The following AMZ1 variants were observed in gnomAD, a reference collection of about 807,000 sequenced individuals.
The protein encoded by AMZ1 is archaemetzincin-1.
A neutral mutation model predicts 29.9 loss-of-function variants in AMZ1; 39 were observed. The ratio of observed to expected loss-of-function variants is 1.30; its 90% CI spans 1.01 to 1.70. AMZ1 has a LOEUF of 1.70. AMZ1 is among the 40% of genes most tolerant of loss of function. The pLI, the probability that AMZ1 is intolerant of heterozygous loss-of-function variation, is 0.00. For synonymous variants in AMZ1, 458 were observed against 304.0 expected, an observed-to-expected ratio of 1.51 and a Z score of -5.27; for missense variants, 1,041 against 680.6, an observed-to-expected ratio of 1.53 and a Z score of -5.89.
At chr7:2,733,655 A>G (rs903369662) in intron 4 of AMZ1, among the ~76,000 whole-genome samples, 1 of 152,244 alleles carries the variant, frequency 6.6e-6, no homozygotes, top group South Asian at 2.1e-4. Flanking sequence ...TGTGTTTTCT[A>G]AAATAAAAAA....
intron 6 of AMZ1, among the ~76,000 whole-genome samples, chr7:2,711,239 G>T (rs1044505563): frequency 6.6e-6 from 1 of 152,204 alleles, no homozygotes; most frequent in African/African-American, 2.4e-5. Flanking sequence ...TGGTGTGGAT[G>T]TGAGGTCACC....
At chr7:2,723,797 G>C (rs577781602), downstream of AMZ1, among the ~76,000 whole-genome samples, 1 of 152,336 alleles carries the variant, frequency 6.6e-6, no homozygotes, top group East Asian at 1.9e-4. Flanking sequence ...GCTAGTACCA[G>C]AGAGCCCCGG....
At position 2,689,717 on chromosome 7, in the gene AMZ1, C is replaced by T. The variant is rs536537673; in HGVS notation, c.-219+1421C>T. 2.0e-5 allele frequency among the ~76,000 whole-genome samples: 3 copies of T among 152,346 alleles called. No homozygotes were observed. The South Asian group carries it at 6.2e-4, about 32-fold the overall frequency. ...GGCTTGGAGGACGCAGGCATGAGAC[C>T]TGTTGGCTGCTGTCATGACTGCAGT... is the stretch of plus-strand genomic sequence containing the variant. On this transcript the variant is annotated intron_variant, in intron 1 of 6. Transcript: ENST00000683327.
Position 2,717,696 on chromosome 7 carries a change from A to AGAT in AMZ1, c.*4820_*4822dup, listed in dbSNP as rs1491293905. On this transcript the variant is annotated 3_prime_UTR_variant, in exon 7 of 7. Coordinates refer to ENST00000683327, the MANE Select transcript of AMZ1 (RefSeq NM_001384743.1). ...CTGGCCTGCGAACGCTGTTAAAAAC[A>AGAT]GATGCAGATCGCGGGTGGAGACGGC... Among the ~76,000 whole-genome samples the AGAT allele has an allele frequency of 6.6e-6, 1 of 150,854 alleles. No individual in the cohort carries two copies. The highest frequency in any genetic ancestry group is 1.5e-5 in the Non-Finnish European group (1 of 68,036).
downstream of AMZ1, among the ~76,000 whole-genome samples, chr7:2,721,336 G>A (rs529714073): frequency 1.3e-5 from 2 of 152,342 alleles, no homozygotes; most frequent in African/African-American, 4.8e-5. Flanking sequence ...CTTCGGGAAA[G>A]GTGCTTGCCC....
In AMZ1 at chr7:2,717,566, A is replaced by T. The variant is rs1275886769; in HGVS notation, c.*4688A>T. Among the ~76,000 whole-genome samples the T allele has an allele frequency of 1.3e-5, 2 of 152,214 alleles. No homozygotes were observed. The highest frequency in any genetic ancestry group is 1.5e-5 in the Non-Finnish European group (1 of 68,030). ...CACACAGAGGTGCCCAGTTTCAAGG[A>T]AACCTAAAGCAGCAGCAAATTTATG... On this transcript the variant is annotated 3_prime_UTR_variant, in exon 7 of 7. Transcript: ENST00000683327.
At position 2,713,555 on chromosome 7, in the gene AMZ1, C is replaced by T. The variant is rs1216264035; in HGVS notation, c.*677C>T. ...ACCCCGGGGGCACACAGGCTCCACA[C>T]TGCCACCCAGCTTCCAAGGCTGAGT... On this transcript the variant is annotated 3_prime_UTR_variant, in exon 7 of 7. Transcript: ENST00000683327. The T allele has an allele frequency of 1.3e-5, 2 of 152,572 alleles. No individual in the cohort carries two copies. The highest frequency in any genetic ancestry group is 6.5e-5 in the Admixed American group (1 of 15,288). The allele number at this position is 152,572 out of a possible 1,614,324, so 9.5% of individuals were successfully genotyped here.
intron 4 of AMZ1, among the ~76,000 whole-genome samples, chr7:2,756,502 C>A (rs1261735824): frequency 1.3e-5 from 2 of 152,054 alleles, no homozygotes; most frequent in Non-Finnish European, 2.9e-5. Context: ...ATAGTCCCAG[C>A]TACTCAGGAG....
chr7:2,708,747 G>C (rs375828895), intron 4 of AMZ1, 31 bp downstream of exon 4: 1 of 1,610,942 alleles, frequency 6.2e-7, no homozygotes, highest in Non-Finnish European at 8.5e-7. Context: ...CTGTGCGTGG[G>C]GGGTAGCCTG....
intron 4 of AMZ1, among the ~76,000 whole-genome samples, chr7:2,746,296 A>G (rs1790760088): frequency 6.6e-6 from 1 of 152,234 alleles, no homozygotes; most frequent in Admixed American, 6.5e-5. Flanking sequence ...CAGCAAATGT[A>G]AAAGAACAGA....
In AMZ1 at chr7:2,708,684, G is replaced by A. The variant is rs759665561; in HGVS notation, c.569G>A (p.Ser190Asn). Reference protein sequence around the residue: ...LSDLYPHEAWSFTFSKFLPGH... With the variant: ...LSDLYPHEAWNFTFSKFLPGH... ...GACCTGTACCCCCATGAGGCCTGGA[G>A]CTTCACCTTCAGCAAGTTCCTTCCA... Residue 190 changes from serine (S) to asparagine (N), a missense_variant, in exon 4 of 7, where the codon AGC (serine) becomes AAC (asparagine). Physicochemically the swap from Ser to Asn is conservative, Grantham distance 46. Coordinates refer to ENST00000683327, the MANE Select transcript of AMZ1 (RefSeq NM_001384743.1). 3.7e-6 allele frequency: 6 copies of A among 1,613,022 alleles called. No individual in the cohort carries two copies. The highest frequency in any genetic ancestry group is 1.1e-5 in the South Asian group (1 of 91,086).
At chr7:2,709,840 C>G (rs200458814) in intron 6 of AMZ1, 24 bp downstream of exon 6, 6 of 1,608,524 alleles carry the variant, frequency 3.7e-6, no homozygotes, top group South Asian at 3.3e-5. Context: ...TTGCGCTGCC[C>G]GGCTGCTGGG....
intron 6 of AMZ1, among the ~76,000 whole-genome samples, chr7:2,710,680 T>G (rs1193250143): frequency 6.6e-6 from 1 of 152,110 alleles, no homozygotes; most frequent in African/African-American, 2.4e-5. Context: ...TCTGCAGGGA[T>G]CCTCTCTGAA....
intron 1 of AMZ1, among the ~76,000 whole-genome samples, chr7:2,699,536 C>CG (rs914498117): frequency 5.9e-5 from 9 of 152,044 alleles, no homozygotes; most frequent in African/African-American, 1.9e-4. Context: ...CCCCCGCCCC[C>CG]CCCCAAACAT....
chr7:2,705,472 C>G (rs1450722531), intron 3 of AMZ1, among the ~76,000 whole-genome samples: 1 of 152,200 alleles, frequency 6.6e-6, no homozygotes, highest in Non-Finnish European at 1.5e-5. Flanking sequence ...TGGCCATCAC[C>G]ATAATCATAT....
rs918471749 is a variant in AMZ1 at position 2,716,013 on chromosome 7, G to A, written c.*3135G>A. On this transcript the variant is annotated 3_prime_UTR_variant, in exon 7 of 7. Coordinates refer to ENST00000683327, the MANE Select transcript of AMZ1 (RefSeq NM_001384743.1). Reference sequence around the variant, plus strand: ...ACAAGGATGGGTCTTCCAGCTTGACGATGACCTCTCTTCGGAGAGCCTCAC... The same window carrying A: ...ACAAGGATGGGTCTTCCAGCTTGACAATGACCTCTCTTCGGAGAGCCTCAC... 1.3e-4 allele frequency: 20 copies of A among 152,210 alleles called. No homozygotes were observed. The highest frequency in any genetic ancestry group is 3.9e-4 in the African/African-American group (16 of 41,438). 9.4% of individuals were successfully genotyped at this position (152,210 alleles called of 1,614,324 possible).
upstream of AMZ1, among the ~76,000 whole-genome samples, chr7:2,683,359 GC>G (rs1361721106): frequency 6.6e-6 from 1 of 152,094 alleles, no homozygotes; most frequent in African/African-American, 2.4e-5. Context: ...TTGGCTTGTG[GC>G]TGCACCACTC....
intron 1 of AMZ1, among the ~76,000 whole-genome samples, chr7:2,699,030 C>T (rs989792115): frequency 6.6e-6 from 1 of 152,152 alleles, no homozygotes; most frequent in Non-Finnish European, 1.5e-5. Context: ...GGTCTATTCA[C>T]ACGTCCTTAG....
chr7:2,721,059 G>A (rs1468633226), downstream of AMZ1, among the ~76,000 whole-genome samples: 7 of 152,170 alleles, frequency 4.6e-5, no homozygotes, highest in East Asian at 1.3e-3. Flanking sequence ...CCTGCCTTAC[G>A]CCCACAGGTC....
Sources: gnomAD v4.1 joint callset for allele counts (sites outside exome capture counted in the v4.1 genomes callset) on GRCh38, gnomAD v4.1.1 for gene constraint, MANE v1.5 for transcripts, NCBI Gene and HGNC (gene_info 2026-07-23, HGNC 2026-07-21) for gene names.